Variants in SMAD5 observed in about 807,000 individuals in gnomAD.
SMAD5 encodes the protein SMAD family member 5.
A neutral mutation model predicts 43.1 loss-of-function variants in SMAD5; 9 were observed. The ratio of observed to expected loss-of-function variants is 0.21; its 90% CI spans 0.13 to 0.36. The LOEUF (loss-of-function observed/expected upper bound fraction) is 0.36, where lower values mean the gene tolerates loss of function less well. SMAD5 is among the 10% of genes least tolerant of loss of function. SMAD5 has a pLI of 1.00. For synonymous variants in SMAD5, 190 were observed against 192.4 expected (o/e 0.99, Z 0.10); for missense variants, 348 against 574.0 (o/e 0.61, Z 4.02).
At chr5:136,153,393 G>T (rs965642901) in intron 2 of SMAD5, among the ~76,000 whole-genome samples, 199 bp from the exon 3 acceptor site, 6 of 152,108 alleles carry the variant, frequency 3.9e-5, no homozygotes, top group African/African-American at 1.2e-4. Flanking sequence ...ATTTGACATT[G>T]CCAGTGTCTT....
chr5:136,168,001 C>T (rs1580794570), intron 5 of SMAD5, among the ~76,000 whole-genome samples: 2 of 152,006 alleles, frequency 1.3e-5, no homozygotes, highest in African/African-American at 2.4e-5. Flanking sequence ...CCACCACACC[C>T]GGCTAATTTT....
intron 1 of SMAD5, among the ~76,000 whole-genome samples, chr5:136,137,109 T>C (rs1369931633): frequency 6.6e-6 from 1 of 150,808 alleles, no homozygotes; most frequent in South Asian, 2.1e-4. Context: ...CTTTTCTTCC[T>C]CCTTTTACTG....
At chr5:136,135,834 T>C (rs1208431862) in intron 1 of SMAD5, among the ~76,000 whole-genome samples, 1 of 152,210 alleles carries the variant, frequency 6.6e-6, no homozygotes, top group Non-Finnish European at 1.5e-5. Flanking sequence ...TTCTAGACGA[T>C]CTATATTCCT....
In SMAD5 at chr5:136,154,162, A is replaced by G. The variant is rs1753557723; in HGVS notation, c.402A>G (p.Pro134=). Residue 134 remains proline (P), a splice_region_variant and synonymous_variant, in exon 3 of 8, where the codon CCA becomes CCG. Coordinates refer to ENST00000545279, the MANE Select transcript of SMAD5 (RefSeq NM_005903.7). ...ACCACTATAAGAGAGTGGAGAGTCCAGGTAGGTCTTATTCCTGAGAAGAAT... is the reference window on the plus strand; with the variant it reads ...ACCACTATAAGAGAGTGGAGAGTCCGGGTAGGTCTTATTCCTGAGAAGAAT... ...NPYHYKRVES[P]VLPPVLVPRH... 2 of 1,520,724 alleles carry G rather than the reference A, an allele frequency of 1.3e-6. No individual in the cohort carries two copies. Among genetic ancestry groups the G allele is most frequent in the African/African-American group, 1.4e-5 (1 of 70,938 alleles). The allele number at this position is 1,520,724 out of a possible 1,614,324, so 94.2% of individuals were successfully genotyped here.
At chr5:136,154,242 A>G (rs954386689) in intron 3 of SMAD5, 79 bp downstream of exon 3, 24 of 843,692 alleles carry the variant, frequency 2.8e-5, no homozygotes, top group Non-Finnish European at 4.1e-5. Flanking sequence ...AACTAGATTT[A>G]GTAATGAAAA....
chr5:136,154,963 C>T (rs890714691), intron 3 of SMAD5, among the ~76,000 whole-genome samples: 6 of 152,156 alleles, frequency 3.9e-5, no homozygotes, highest in Non-Finnish European at 8.8e-5. Context: ...TCTTTGCTGG[C>T]GTATTCTCCT....
intron 1 of SMAD5, among the ~76,000 whole-genome samples, chr5:136,142,813 T>C (rs1328120045): frequency 6.6e-6 from 1 of 152,118 alleles, no homozygotes; most frequent in Non-Finnish European, 1.5e-5. Flanking sequence ...GAAATAAATA[T>C]AGGATAAAAC....
chr5:136,172,829 A>G (rs1754276714), intron 6 of SMAD5, 174 bp downstream of exon 6: 5 of 587,128 alleles, frequency 8.5e-6, no homozygotes. Context: ...ATGTTCCCTC[A>G]TTTTTTTGTC....
intron 5 of SMAD5, among the ~76,000 whole-genome samples, chr5:136,170,902 T>C (rs1754196533): frequency 6.6e-6 from 1 of 152,190 alleles, no homozygotes; most frequent in Non-Finnish European, 1.5e-5. Flanking sequence ...CAATCAACTT[T>C]TGCTTATTAA....
chr5:136,133,593 A>G (rs1752760446), intron 1 of SMAD5: 1 of 152,348 alleles, frequency 6.6e-6, no homozygotes, highest in Non-Finnish European at 1.5e-5. Context: ...TACTTCATGT[A>G]AACTTCTCTG....
In SMAD5 at chr5:136,180,945, T is replaced by C. The variant is rs1457599534; in HGVS notation, c.*3465T>C. 2.6e-5 allele frequency: 4 copies of C among 152,160 alleles called. No homozygotes were observed. The highest frequency in any genetic ancestry group is 4.8e-5 in the African/African-American group (2 of 41,462). 9.4% of individuals were successfully genotyped at this position (152,160 alleles called of 1,614,324 possible). A position where few individuals can be genotyped will look rare whatever the true frequency, so the allele number is the denominator to read the frequency against. ...GGGTTCATGTTAAAAACCTTCCATATTACCTGAGGGTACCTGTGGGGAACA... is the reference window on the plus strand; with the variant it reads ...GGGTTCATGTTAAAAACCTTCCATACTACCTGAGGGTACCTGTGGGGAACA... On this transcript the variant is annotated 3_prime_UTR_variant, in exon 8 of 8. Coordinates refer to ENST00000545279, the MANE Select transcript of SMAD5 (RefSeq NM_005903.7).
In SMAD5 at chr5:136,177,481, T is replaced by C; in HGVS notation, c.*1T>C. 6.2e-7 allele frequency: 1 copy of C among 1,603,758 alleles called. No individual in the cohort carries two copies. The highest frequency in any genetic ancestry group is 2.2e-5 in the East Asian group (1 of 44,786). On this transcript the variant is annotated 3_prime_UTR_variant, in exon 8 of 8. Coordinates refer to ENST00000545279, the MANE Select transcript of SMAD5 (RefSeq NM_005903.7). ...GAACCCCATATCTTCTGTTTCATAA[T>C]GCAGAAGTATTCTTTTCAATTATAT...
intron 5 of SMAD5, among the ~76,000 whole-genome samples, chr5:136,172,039 C>A (rs1455312833): frequency 1.3e-5 from 2 of 152,154 alleles, no homozygotes; most frequent in Non-Finnish European, 2.9e-5. Context: ...TATGAGCACA[C>A]AGTGAGAAAG....
intron 5 of SMAD5, among the ~76,000 whole-genome samples, chr5:136,163,597 G>A (rs1010638706): frequency 1.3e-5 from 2 of 151,956 alleles, no homozygotes; most frequent in African/African-American, 2.4e-5. Context: ...CTTTAAAAAG[G>A]TTTCTCTGCG....
chr5:136,172,151 CTGT>C (rs1049288437), intron 5 of SMAD5, among the ~76,000 whole-genome samples: 1 of 152,168 alleles, frequency 6.6e-6, no homozygotes, highest in Non-Finnish European at 1.5e-5. Context: ...AAATAAATTT[CTGT>C]TGTTTAAGCC....
At position 136,154,077 on chromosome 5, in the gene SMAD5, C is replaced by T. The variant is rs780075640; in HGVS notation, c.317C>T (p.Pro106Leu). The T allele has an allele frequency of 2.5e-6, 4 of 1,599,736 alleles. No homozygotes were observed. The highest frequency in any genetic ancestry group is 2.2e-5 in the East Asian group (1 of 44,498). Reference protein sequence around the residue: ...PDLQSHHELKPLDICEFPFGS... With the variant: ...PDLQSHHELKLLDICEFPFGS... ...TTGCAGAGTCATCATGAGCTAAAGC[C>T]GTTGGATATTTGTGAATTTCCTTTT... Residue 106 changes from proline (P) to leucine (L), a missense_variant, in exon 3 of 8, where the codon CCG becomes CTG. Transcript: ENST00000545279.
At chr5:136,165,022 G>A (rs1414294422) in intron 5 of SMAD5, among the ~76,000 whole-genome samples, 1 of 152,132 alleles carries the variant, frequency 6.6e-6, no homozygotes, top group Non-Finnish European at 1.5e-5. Flanking sequence ...GACTGTAAAT[G>A]CCAGGGTTTA....
chr5:136,150,144 C>T (rs1206800146), intron 2 of SMAD5, among the ~76,000 whole-genome samples: 2 of 151,840 alleles, frequency 1.3e-5, no homozygotes, highest in East Asian at 3.9e-4. Flanking sequence ...GTTCTTTTCA[C>T]TCTGTTGCAA....
Position 136,181,220 on chromosome 5 carries a change from A to C in SMAD5, c.*3740A>C, listed in dbSNP as rs1754616357. On this transcript the variant is annotated 3_prime_UTR_variant, in exon 8 of 8. Coordinates refer to ENST00000545279, the MANE Select transcript of SMAD5 (RefSeq NM_005903.7). Reference sequence around the variant, plus strand: ...AATATATAAATATCCTTTTTACTTCATGAGGAAGGAAGAATTTTTTGATAA... The same window carrying C: ...AATATATAAATATCCTTTTTACTTCCTGAGGAAGGAAGAATTTTTTGATAA... The C allele has an allele frequency of 6.6e-6, 1 of 152,054 alleles. No individual in the cohort carries two copies. The highest frequency in any genetic ancestry group is 1.5e-5 in the Non-Finnish European group (1 of 67,944). The allele number at this position is 152,054 out of a possible 1,614,324, so 9.4% of individuals were successfully genotyped here. A position where few individuals can be genotyped will look rare whatever the true frequency, so the allele number is the denominator to read the frequency against.
Sources: gnomAD v4.1 joint callset for allele counts (sites outside exome capture counted in the v4.1 genomes callset) on GRCh38, gnomAD v4.1.1 for gene constraint, MANE v1.5 for transcripts, NCBI Gene and HGNC (gene_info 2026-07-23, HGNC 2026-07-21) for gene names.